The following DOCK3 variants were observed in gnomAD, a reference collection of about 807,000 sequenced individuals.
The protein encoded by DOCK3 is dedicator of cytokinesis 3, also known as dedicator of cytokinesis protein 3.
In DOCK3, 60 loss-of-function variants were observed where a neutral mutation model predicts 265.6. The observed-to-expected ratio is 0.23, with a 90% CI of 0.18 to 0.28. The LOEUF is 0.28. Ranked by LOEUF, DOCK3 falls within the 10% of genes least tolerant of loss-of-function variation. The probability of loss-of-function intolerance (pLI) is 1.00; values close to 1 mark genes in which losing one functional copy is unlikely to be tolerated. For missense variants in DOCK3, 1,981 were observed against 2,594.3 expected, an observed-to-expected ratio of 0.76 and a Z score of 5.14; for synonymous variants, 881 against 938.0, an observed-to-expected ratio of 0.94 and a Z score of 1.11.
intron 9 of DOCK3, among the ~76,000 whole-genome samples, chr3:51,113,660 T>G (rs765536219): frequency 1.3e-5 from 2 of 152,194 alleles, no homozygotes; most frequent in African/African-American, 2.4e-5. Flanking sequence ...TCTCCATCAG[T>G]GATCTAATAT....
chr3:51,220,254 G>A (rs897421534), intron 14 of DOCK3, among the ~76,000 whole-genome samples: 3 of 152,114 alleles, frequency 2.0e-5, no homozygotes, highest in African/African-American at 7.2e-5. Flanking sequence ...CAATTGTACT[G>A]AAAGAAAGTC....
At chr3:51,059,496 C>G (rs1477762432) in intron 5 of DOCK3, among the ~76,000 whole-genome samples, 1 of 142,372 alleles carries the variant, frequency 7.0e-6, no homozygotes, top group East Asian at 2.1e-4. Context: ...CACACACACC[C>G]CACATCCCAC....
chr3:50,781,848 T>G (rs1185051153), intron 2 of DOCK3, among the ~76,000 whole-genome samples: 1 of 152,166 alleles, frequency 6.6e-6, no homozygotes, highest in Non-Finnish European at 1.5e-5. Flanking sequence ...TCTCATCTTT[T>G]AGTTCCCGGT....
intron 1 of DOCK3, among the ~76,000 whole-genome samples, chr3:50,766,160 A>C (rs1272647616): frequency 6.6e-6 from 1 of 152,064 alleles, no homozygotes; most frequent in African/African-American, 2.4e-5. Flanking sequence ...TCTAGGGTAC[A>C]TGTGCACAAC....
chr3:51,038,011 G>C (rs1196623554), intron 5 of DOCK3, among the ~76,000 whole-genome samples: 1 of 152,176 alleles, frequency 6.6e-6, no homozygotes, highest in Non-Finnish European at 1.5e-5. Flanking sequence ...CTGCTGGATT[G>C]TAGGGTATGT....
chr3:51,167,805 C>T (rs545696090), intron 12 of DOCK3, among the ~76,000 whole-genome samples: 2 of 152,208 alleles, frequency 1.3e-5, no homozygotes, highest in Admixed American at 1.3e-4. Flanking sequence ...TCTCCTGCTA[C>T]TTTACCGAAT....
chr3:51,366,648 A>G (rs1448124754), intron 49 of DOCK3, among the ~76,000 whole-genome samples: 1 of 152,210 alleles, frequency 6.6e-6, no homozygotes, highest in Non-Finnish European at 1.5e-5. Flanking sequence ...TTCCTTCTAC[A>G]CACTGCTTTA....
intron 1 of DOCK3, among the ~76,000 whole-genome samples, chr3:50,766,242 AG>A (rs2040863985): frequency 1.3e-5 from 2 of 151,524 alleles, no homozygotes; most frequent in East Asian, 3.9e-4. Context: ...CATTTACATT[AG>A]GCATATCTCC....
At chr3:50,883,337 A>G (rs1208978373) in intron 3 of DOCK3, among the ~76,000 whole-genome samples, 2 of 152,224 alleles carry the variant, frequency 1.3e-5, no homozygotes, top group South Asian at 2.1e-4. Flanking sequence ...TTTTTTCTTT[A>G]TAAAAAAAAA....
In DOCK3 at chr3:51,381,343, A is replaced by G. The variant is rs2088623384; in HGVS notation, c.5877A>G (p.Pro1959=). Reference sequence around the variant, plus strand: ...AGCCATGCCGAAGCCACTCAGCCCCAGGGTGCGTCATCCCTCAGGACCCCA... The same window carrying G: ...AGCCATGCCGAAGCCACTCAGCCCCGGGGTGCGTCATCCCTCAGGACCCCA... ...KAQPCRSHSA[P]GCVIPQDPMD... Residue 1959 remains proline, a synonymous_variant, in exon 53 of 53, where the codon CCA becomes CCG. Transcript: ENST00000266037. The surrounding 1 kb of genome is among the most constrained non-coding windows in gnomAD (Gnocchi z 5.6). The G allele has an allele frequency of 2.5e-6, 4 of 1,613,324 alleles. No homozygotes were observed. The highest frequency in any genetic ancestry group is 2.2e-5 in the East Asian group (1 of 44,868).
At chr3:51,312,369 T>C in intron 29 of DOCK3, 107 bp from the exon 30 acceptor site, 2 of 1,071,782 alleles carry the variant, frequency 1.9e-6, no homozygotes, top group Middle Eastern at 2.1e-4. Flanking sequence ...AAAATGAGGA[T>C]CTTAAGATTG....
At chr3:50,808,659 G>C (rs1289175874) in intron 2 of DOCK3, among the ~76,000 whole-genome samples, 1 of 152,158 alleles carries the variant, frequency 6.6e-6, no homozygotes, top group Non-Finnish European at 1.5e-5. Context: ...ATCACCAGCA[G>C]GCTCCATGTT....
chr3:50,809,937 T>A (rs1462012271), intron 2 of DOCK3, among the ~76,000 whole-genome samples: 1 of 151,944 alleles, frequency 6.6e-6, no homozygotes, highest in Non-Finnish European at 1.5e-5. Flanking sequence ...GCCAGGAGTT[T>A]GAGAACAACC....
At chr3:50,894,636 GA>G (rs2048807402) in intron 4 of DOCK3, among the ~76,000 whole-genome samples, 1 of 152,038 alleles carries the variant, frequency 6.6e-6, no homozygotes, top group Non-Finnish European at 1.5e-5. Context: ...CAAGTATTAA[GA>G]ATAACTATAA....
At chr3:50,985,867 G>A (rs556538364) in intron 5 of DOCK3, among the ~76,000 whole-genome samples, 54 of 151,604 alleles carry the variant, frequency 3.6e-4, no homozygotes, top group African/African-American at 1.3e-3. Context: ...TAATAAACCC[G>A]GGATGTATTG....
At chr3:50,841,738 C>CTTTTTTTTTTCTTTTTTTTTTTTT in intron 3 of DOCK3, 23 bp downstream of exon 3, 1 of 536,466 alleles carries the variant, frequency 1.9e-6, no homozygotes, top group Non-Finnish European at 3.0e-6. Flanking sequence ...TTATTGTTAC[C>CTTTTTTTTTTCTTTTTTTTTTTTT]TTTTCTAATG....
At chr3:51,185,087 C>G (rs182525098) in intron 12 of DOCK3, among the ~76,000 whole-genome samples, 1 of 152,162 alleles carries the variant, frequency 6.6e-6, no homozygotes, top group Admixed American at 6.5e-5. Flanking sequence ...CAAGAGAAAC[C>G]TAACGAGACA....
At chr3:50,727,908 G>T (rs2037933164) in intron 1 of DOCK3, among the ~76,000 whole-genome samples, 1 of 152,118 alleles carries the variant, frequency 6.6e-6, no homozygotes. Flanking sequence ...AGAAGAAACA[G>T]ACATTATCTC....
At chr3:51,175,212 G>A (rs1156254771) in intron 12 of DOCK3, among the ~76,000 whole-genome samples, 1 of 152,154 alleles carries the variant, frequency 6.6e-6, no homozygotes, top group Non-Finnish European at 1.5e-5. Context: ...GTCCCTGGGT[G>A]GGCGGGACTG....
Sources: gnomAD v4.1 joint callset for allele counts (sites outside exome capture counted in the v4.1 genomes callset) on GRCh38, gnomAD v4.1.1 for gene constraint, Gnocchi (gnomAD v3.1) non-coding constraint, MANE v1.5 for transcripts, NCBI Gene and HGNC (gene_info 2026-07-23, HGNC 2026-07-21) for gene names.